ACOT13: variants seen among roughly 807,000 people sequenced by gnomAD.
ACOT13 encodes acyl-coenzyme A thioesterase 13.
ACOT13 carries 10 observed loss-of-function variants against 11.8 expected under a neutral mutation model. The ratio of observed to expected loss-of-function variants is 0.85; its 90% confidence interval spans 0.53 to 1.44. The LOEUF (loss-of-function observed/expected upper bound fraction) is 1.44. Ranked by LOEUF, ACOT13 falls within the 40% of genes most tolerant of loss-of-function variation. ACOT13 has a pLI of 0.00. For missense variants in ACOT13, 172 were observed against 174.1 expected (o/e 0.99, Z 0.07); for synonymous variants, 53 against 61.0 (o/e 0.87, Z 0.61).
chr6:24,689,555 C>G (rs1778690496), intron 1 of ACOT13, among the ~76,000 whole-genome samples: 2 of 152,034 alleles, frequency 1.3e-5, no homozygotes, highest in Non-Finnish European at 2.9e-5. Flanking sequence ...AATATGATCC[C>G]ATTTTTGTAA....
rs760831059 is a variant in ACOT13 at position 24,698,020 on chromosome 6, A to G, written c.219A>G (p.Leu73=). The change falls in exon 2 of 3, where the codon CTA becomes CTG. Residue 73 remains leucine (L), a synonymous_variant. Coordinates refer to ENST00000230048, the MANE Select transcript of ACOT13 (RefSeq NM_018473.4). ...ATAACATATCAACAATGGCTCTGCTATGCACGGAAAGGGGAGCACCCGGAG... is the reference window on the plus strand; with the variant it reads ...ATAACATATCAACAATGGCTCTGCTGTGCACGGAAAGGGGAGCACCCGGAG... ...LVDNISTMAL[L]CTERGAPGVS... 1.9e-6 allele frequency: 3 copies of G among 1,613,116 alleles called. No individual in the cohort carries two copies. The highest frequency in any genetic ancestry group is 1.7e-5 in the Admixed American group (1 of 59,732).
chr6:24,701,708 A>C lies in ACOT13; in HGVS notation c.*93A>C. On this transcript the variant is annotated 3_prime_UTR_variant, in exon 3 of 3. Coordinates refer to ENST00000230048, the MANE Select transcript of ACOT13 (RefSeq NM_018473.4). ...GTAATTTTTGAAATAAACTAGCAAA[A>C]CCAGAAGCAGCTAGAAATATTCTTG... 1 of 1,305,260 alleles carries C rather than the reference A, an allele frequency of 7.7e-7. No individual in the cohort carries two copies. The highest frequency in any genetic ancestry group is 1.0e-6 in the Non-Finnish European group (1 of 967,764). 80.9% of individuals were successfully genotyped at this position (1,305,260 alleles called of 1,614,324 possible).
At chr6:24,694,096 T>C (rs533292608) in intron 1 of ACOT13, among the ~76,000 whole-genome samples, 5 of 152,292 alleles carry the variant, frequency 3.3e-5, no homozygotes, top group Admixed American at 1.3e-4. Flanking sequence ...TTATTGTATA[T>C]GTGTGTGTAC....
At position 24,693,642 on chromosome 6, in the gene ACOT13, ACT is replaced by A. The variant is rs113319583; in HGVS notation, c.82-4238_82-4237del. On this transcript the variant is annotated intron_variant, in intron 1 of 2. Coordinates refer to ENST00000230048, the MANE Select transcript of ACOT13 (RefSeq NM_018473.4). ...TGCTGAAAAAGTGAGGAAAGGAGAG[ACT>A]CTGTGTCATGTGGAGTGTCTCTTTG... is the stretch of plus-strand genomic sequence containing the variant. 5.9e-3 allele frequency among the ~76,000 whole-genome samples: 896 copies of A among 151,766 alleles called. 11 individuals are homozygous for A. The highest frequency in any genetic ancestry group is 0.021 in the African/African-American group (849 of 41,340).
intron 1 of ACOT13, among the ~76,000 whole-genome samples, chr6:24,682,741 A>G (rs1304872332): frequency 1.3e-5 from 2 of 151,806 alleles, no homozygotes; most frequent in East Asian, 3.9e-4. Flanking sequence ...GCGAAAGCTC[A>G]GCTCGAGCCA....
intron 1 of ACOT13, among the ~76,000 whole-genome samples, chr6:24,697,405 A>C (rs910155936): frequency 6.7e-6 from 1 of 148,862 alleles, no homozygotes; most frequent in Non-Finnish European, 1.5e-5. Context: ...TGTTGGCGTC[A>C]AAGTTCCAAT....
At chr6:24,695,029 T>C (rs1022549145) in intron 1 of ACOT13, among the ~76,000 whole-genome samples, 4 of 151,996 alleles carry the variant, frequency 2.6e-5, no homozygotes, top group Admixed American at 6.6e-5. Context: ...ACACTTAAAC[T>C]GAGGCGCGGT....
intron 1 of ACOT13, among the ~76,000 whole-genome samples, chr6:24,678,216 G>C (rs1035846192): frequency 6.6e-6 from 1 of 152,150 alleles, no homozygotes; most frequent in African/African-American, 2.4e-5. Flanking sequence ...TGAGAGTCAG[G>C]GTGTACAGGG....
At chr6:24,675,062 C>T (rs1778429103) in intron 1 of ACOT13, among the ~76,000 whole-genome samples, 1 of 152,124 alleles carries the variant, frequency 6.6e-6, no homozygotes, top group Non-Finnish European at 1.5e-5. Context: ...GACATGAACT[C>T]ATCCTTTTTT....
At chr6:24,695,535 G>C (rs745813857) in intron 1 of ACOT13, among the ~76,000 whole-genome samples, 2 of 152,164 alleles carry the variant, frequency 1.3e-5, no homozygotes, top group African/African-American at 4.8e-5. Context: ...CAAGAAACCT[G>C]TATTTATTCT....
rs1778853756 is a variant in ACOT13, at chr6:24,699,311, A to ACCATTCTC, written c.266+1246_266+1253dup. Among the ~76,000 whole-genome samples, 4 of 148,206 alleles carry ACCATTCTC rather than the reference A, an allele frequency of 2.7e-5. No homozygotes were observed. In the South Asian group the frequency reaches 8.5e-4, roughly 31 times the overall value. ...TGCAAGCTCCGCCTCCCGGGTTCAC[A>ACCATTCTC]CCATTCTCCTGCCTCAGCCTCCCGA... On this transcript the variant is annotated intron_variant, in intron 2 of 2. Coordinates refer to ENST00000230048, the MANE Select transcript of ACOT13 (RefSeq NM_018473.4).
chr6:24,677,787 A>C (rs1356843217), intron 1 of ACOT13, among the ~76,000 whole-genome samples: 1 of 152,234 alleles, frequency 6.6e-6, no homozygotes, highest in Non-Finnish European at 1.5e-5. Context: ...CATATTCGGC[A>C]GAAGCTTGTT....
At chr6:24,669,566 A>AT (rs954430353) in intron 1 of ACOT13, among the ~76,000 whole-genome samples, 2 of 151,628 alleles carry the variant, frequency 1.3e-5, no homozygotes, top group Non-Finnish European at 2.9e-5. Flanking sequence ...TTTAAAAAAA[A>AT]TTTTTTTTTG....
At chr6:24,670,793 A>T (rs1328336919) in intron 1 of ACOT13, among the ~76,000 whole-genome samples, 1 of 152,234 alleles carries the variant, frequency 6.6e-6, no homozygotes, top group Non-Finnish European at 1.5e-5. Flanking sequence ...GCAAAAGATC[A>T]GCAATGTTTA....
intron 1 of ACOT13, among the ~76,000 whole-genome samples, chr6:24,671,318 T>C (rs559864815): frequency 2.8e-4 from 42 of 152,218 alleles, no homozygotes; most frequent in Non-Finnish European, 5.9e-4. Flanking sequence ...TGTAGGGACA[T>C]GGATGAAGCT....
chr6:24,687,305 C>T (rs1299695051), intron 1 of ACOT13: 1 of 372,946 alleles, frequency 2.7e-6, no homozygotes, highest in African/African-American at 2.2e-5. Context: ...TATGTTGTAT[C>T]CCTTTTACAT....
chr6:24,691,649 G>A (rs896648715), intron 1 of ACOT13, among the ~76,000 whole-genome samples: 4 of 152,098 alleles, frequency 2.6e-5, no homozygotes, highest in African/African-American at 9.7e-5. Context: ...AAAGACCTGA[G>A]AAAGTCATGA....
chr6:24,699,295 C>T (rs1445336031), intron 2 of ACOT13, among the ~76,000 whole-genome samples: 2 of 151,028 alleles, frequency 1.3e-5, no homozygotes, highest in African/African-American at 2.4e-5. Flanking sequence ...CTGCAAGCTC[C>T]GCCTCCCGGG....
At position 24,703,176 on chromosome 6, in the gene ACOT13, G is replaced by A. The variant is rs1376436749; in HGVS notation, c.*1561G>A. 2.6e-5 allele frequency: 4 copies of A among 152,218 alleles called. No individual in the cohort carries two copies. Among genetic ancestry groups the A allele is most frequent in the African/African-American group, 9.6e-5 (4 of 41,460 alleles). 9.4% of individuals were successfully genotyped at this position (152,218 alleles called of 1,614,324 possible). ...CAGGTGTGAACCACTGCACCCAGCT[G>A]ACTCTTACTTGATTTCTGTCAGGGA... On this transcript the variant is annotated 3_prime_UTR_variant, in exon 3 of 3. Transcript: ENST00000230048.
Sources: allele counts gnomAD v4.1 joint callset (sites outside exome capture counted in the v4.1 genomes callset), GRCh38; gene constraint gnomAD v4.1.1; transcripts MANE v1.5; gene names NCBI Gene and HGNC (gene_info 2026-07-23, HGNC 2026-07-21).